ROBO2: variants seen among roughly 807,000 people sequenced by gnomAD.
ROBO2 encodes roundabout homolog 2.
Under a neutral mutation model 160.8 loss-of-function variants are expected in ROBO2, and 53 were observed. The observed-to-expected ratio is 0.33, with a 90% CI of 0.26 to 0.41. The LOEUF (loss-of-function observed/expected upper bound fraction) is 0.41, where lower values mean the gene tolerates loss of function less well. Among genes scored for constraint, ROBO2 ranks in the 10% least tolerant of loss-of-function variants. ROBO2 has a pLI of 1.00. For missense variants in ROBO2, 1,577 were observed against 1,722.4 expected, an observed-to-expected ratio of 0.92 and a Z score of 1.49; for synonymous variants, 664 against 611.7, an observed-to-expected ratio of 1.09 and a Z score of -1.26.
At chr3:75,991,479 T>C (rs2065567878) in intron 2 of ROBO2, among the ~76,000 whole-genome samples, 1 of 152,200 alleles carries the variant, frequency 6.6e-6, no homozygotes, top group East Asian at 1.9e-4. Flanking sequence ...TTGCCATCCA[T>C]GTAAGAAGTG....
chr3:76,156,408 G>A (rs1212492769), intron 2 of ROBO2, among the ~76,000 whole-genome samples: 1 of 152,176 alleles, frequency 6.6e-6, no homozygotes, highest in Non-Finnish European at 1.5e-5. Flanking sequence ...TGGTGTATCT[G>A]TAGATATGTT....
At chr3:77,547,936 CAATT>C (rs1295877427) in intron 7 of ROBO2, among the ~76,000 whole-genome samples, 3 of 151,770 alleles carry the variant, frequency 2.0e-5, no homozygotes, top group Non-Finnish European at 2.9e-5. Context: ...GGCAGCATGA[CAATT>C]AAACACATAC....
At chr3:76,014,245 C>T (rs9842710) in intron 2 of ROBO2, among the ~76,000 whole-genome samples, 147 of 94,764 alleles carry the variant, frequency 1.6e-3, no homozygotes, top group Admixed American at 2.4e-3. Context: ...GGCACGGTGG[C>T]TTATGCGTGT....
intron 2 of ROBO2, among the ~76,000 whole-genome samples, chr3:76,039,743 G>A (rs769805167): frequency 2.6e-5 from 4 of 151,924 alleles, no homozygotes; most frequent in African/African-American, 4.8e-5. Flanking sequence ...ACCTTGTTGA[G>A]CCTCTATAAT....
intron 2 of ROBO2, among the ~76,000 whole-genome samples, chr3:77,164,541 G>A (rs1464815477): frequency 1.5e-3 from 134 of 90,558 alleles, no homozygotes; most frequent in Middle Eastern, 7.5e-3. Flanking sequence ...AGGTGGGGGG[G>A]TCAGACCCCC....
At chr3:77,095,947 T>C (rs1180431360) in intron 1 of ROBO2, among the ~76,000 whole-genome samples, 1 of 152,130 alleles carries the variant, frequency 6.6e-6, no homozygotes, top group Non-Finnish European at 1.5e-5. Context: ...CTGTGAACAG[T>C]AAATTACTCT....
At chr3:77,153,537 G>GCC (rs1282169915) in intron 2 of ROBO2, among the ~76,000 whole-genome samples, 1 of 152,050 alleles carries the variant, frequency 6.6e-6, no homozygotes, top group East Asian at 1.9e-4. Context: ...TTCGACCAAT[G>GCC]CTGAATAGAG....
At chr3:76,697,320 G>T (rs1441509688) in intron 2 of ROBO2, among the ~76,000 whole-genome samples, 3 of 152,128 alleles carry the variant, frequency 2.0e-5, no homozygotes, top group African/African-American at 7.2e-5. Flanking sequence ...CAGGTCAAAT[G>T]ATGAATAAAC....
At chr3:76,072,796 C>G (rs1424752479) in intron 2 of ROBO2, among the ~76,000 whole-genome samples, 1 of 152,142 alleles carries the variant, frequency 6.6e-6, no homozygotes, top group Non-Finnish European at 1.5e-5. Flanking sequence ...AAGCGATGTT[C>G]ACGAAACCCC....
chr3:77,002,404 A>AT (rs2061376995), intron 2 of ROBO2, among the ~76,000 whole-genome samples: 1 of 148,434 alleles, frequency 6.7e-6, no homozygotes, highest in South Asian at 2.1e-4. Context: ...ATAATACATT[A>AT]TTTTGTATTA....
At chr3:76,285,002 A>C (rs1274653538) in intron 2 of ROBO2, among the ~76,000 whole-genome samples, 1 of 152,114 alleles carries the variant, frequency 6.6e-6, no homozygotes, top group Non-Finnish European at 1.5e-5. Context: ...TATCCATTCC[A>C]TCATGCTTTC....
chr3:76,486,081 AAAGT>A (rs1462924437), intron 2 of ROBO2, among the ~76,000 whole-genome samples: 3 of 152,318 alleles, frequency 2.0e-5, no homozygotes, highest in Admixed American at 2.0e-4. Flanking sequence ...ATAAGATTGT[AAAGT>A]AAGCCCTGCC....
chr3:76,398,143 C>A (rs1285005000), intron 2 of ROBO2, among the ~76,000 whole-genome samples: 3 of 151,818 alleles, frequency 2.0e-5, no homozygotes, highest in African/African-American at 7.3e-5. Context: ...TACTATGCAG[C>A]CATAAAAAAT....
chr3:75,995,494 A>G (rs2065700017), intron 2 of ROBO2, among the ~76,000 whole-genome samples: 1 of 152,148 alleles, frequency 6.6e-6, no homozygotes, highest in South Asian at 2.1e-4. Flanking sequence ...GTATGGGAAC[A>G]CCAGAATGTC....
Position 75,939,854 on chromosome 3 carries a change from A to G in ROBO2, c.109+2252A>G, listed in dbSNP as rs1319513666. Among the ~76,000 whole-genome samples, 13 of 152,126 alleles carry G rather than the reference A, an allele frequency of 8.5e-5. 1 individual carries two copies. In the South Asian group the frequency reaches 1.9e-3, roughly 22 times the overall value. On this transcript the variant is annotated intron_variant, in intron 2 of 26. Transcript: ENST00000487694. ...AAATATCTTTTAAAATACAAATCTC[A>G]TAGCTCCTTATTATTGTCAAGAAAA...
chr3:77,472,116 A>T (rs1404778482), intron 2 of ROBO2, among the ~76,000 whole-genome samples: 1 of 152,126 alleles, frequency 6.6e-6, no homozygotes, highest in East Asian at 1.9e-4. Flanking sequence ...AATGAGAGAG[A>T]GAGAGAGAGG....
chr3:77,015,148 C>G (rs73843444), intron 2 of ROBO2, among the ~76,000 whole-genome samples: 1 of 151,924 alleles, frequency 6.6e-6, no homozygotes, highest in Non-Finnish European at 1.5e-5. Context: ...TCATAAGAGC[C>G]CTAAGGAAAT....
At chr3:77,329,164 G>T (rs371326120) in intron 2 of ROBO2, among the ~76,000 whole-genome samples, 5 of 152,100 alleles carry the variant, frequency 3.3e-5, no homozygotes, top group Admixed American at 6.5e-5. Context: ...TTCTTTTGTG[G>T]ATAAAAAGAA....
chr3:75,951,630 C>T (rs1948539052), intron 2 of ROBO2, among the ~76,000 whole-genome samples: 1 of 151,974 alleles, frequency 6.6e-6, no homozygotes, highest in Admixed American at 6.6e-5. Context: ...CAGGGGAATG[C>T]CATGCATGAA....
Sources: gnomAD v4.1 joint callset for allele counts (sites outside exome capture counted in the v4.1 genomes callset) on GRCh38, gnomAD v4.1.1 for gene constraint, MANE v1.5 for transcripts, NCBI Gene and HGNC (gene_info 2026-07-23, HGNC 2026-07-21) for gene names.